GPC6: variants seen among roughly 807,000 people sequenced by gnomAD.
GPC6 encodes glypican-6.
GPC6 carries 14 observed loss-of-function variants against 55.2 expected under a neutral mutation model. The ratio of observed to expected loss-of-function variants is 0.25; its 90% CI spans 0.17 to 0.40. GPC6 has a LOEUF of 0.40. Among genes scored for constraint, GPC6 ranks in the 10% least tolerant of loss-of-function variants. The pLI, the probability that GPC6 is intolerant of heterozygous loss-of-function variation, is 1.00. For missense variants in GPC6, 641 were observed against 708.5 expected, an observed-to-expected ratio of 0.90 and a Z score of 1.08; for synonymous variants, 278 against 259.6, an observed-to-expected ratio of 1.07 and a Z score of -0.68.
intron 4 of GPC6, among the ~76,000 whole-genome samples, chr13:94,135,400 A>C (rs1397523365): frequency 2.0e-5 from 3 of 152,194 alleles, no homozygotes; most frequent in African/African-American, 7.2e-5. Flanking sequence ...CCTTTTGGCT[A>C]AAGTGACTTT....
At chr13:93,468,868 A>T (rs1879008858) in intron 1 of GPC6, among the ~76,000 whole-genome samples, 1 of 152,220 alleles carries the variant, frequency 6.6e-6, no homozygotes, top group South Asian at 2.1e-4. Context: ...TGTAACATTT[A>T]ACTACCTCAA....
At chr13:93,225,141 G>A (rs1276604987), upstream of GPC6, among the ~76,000 whole-genome samples, 2 of 152,220 alleles carry the variant, frequency 1.3e-5, no homozygotes, top group Middle Eastern at 3.4e-3. Context: ...AAATTACAAT[G>A]AGTCCCAGGA....
intron 6 of GPC6, among the ~76,000 whole-genome samples, chr13:94,322,418 G>A (rs1385339864): frequency 1.3e-5 from 2 of 152,154 alleles, no homozygotes; most frequent in Non-Finnish European, 2.9e-5. Flanking sequence ...AGAGGTACCA[G>A]GACTAGACAA....
intron 4 of GPC6, among the ~76,000 whole-genome samples, chr13:94,279,984 G>C (rs1204766843): frequency 1.3e-5 from 2 of 152,134 alleles, no homozygotes; most frequent in Non-Finnish European, 2.9e-5. Flanking sequence ...CTGAGTTCAA[G>C]TCCTGAATAT....
At chr13:93,578,995 T>C (rs1057309991) in intron 2 of GPC6, among the ~76,000 whole-genome samples, 4 of 152,094 alleles carry the variant, frequency 2.6e-5, no homozygotes, top group Non-Finnish European at 4.4e-5. Flanking sequence ...AGTGAATAAG[T>C]CAAACACAGA....
At chr13:93,602,075 C>T (rs766352635) in intron 2 of GPC6, among the ~76,000 whole-genome samples, 7 of 152,150 alleles carry the variant, frequency 4.6e-5, no homozygotes, top group Non-Finnish European at 7.3e-5. Context: ...AATGTATCCT[C>T]ATTTAAAAAA....
At position 93,227,627 on chromosome 13, in the gene GPC6, G is replaced by A. The variant is rs561808356; in HGVS notation, c.160+11G>A. The A allele has an allele frequency of 3.7e-5, 59 of 1,592,856 alleles. 1 individual carries two copies. In the South Asian group the frequency reaches 5.8e-4, roughly 16 times the overall value. ...ACCAGGAGATCGCAGGTAAGCGCGG[G>A]CGCGCTGCAGGGGCAGGCTGCAGCC... On this transcript the variant is annotated intron_variant, in intron 1 of 8. Coordinates refer to ENST00000377047, the MANE Select transcript of GPC6 (RefSeq NM_005708.5). The surrounding 1 kb of genome is among the most constrained non-coding windows in gnomAD (Gnocchi z 4.3).
At chr13:93,829,162 C>G (rs183644884) in intron 2 of GPC6, among the ~76,000 whole-genome samples, 28 of 151,492 alleles carry the variant, frequency 1.8e-4, no homozygotes, top group African/African-American at 5.6e-4. Context: ...TTGATAACCT[C>G]AGAAGCATTA....
At chr13:93,274,189 A>G (rs1215528544) in intron 1 of GPC6, among the ~76,000 whole-genome samples, 1 of 152,226 alleles carries the variant, frequency 6.6e-6, no homozygotes, top group Non-Finnish European at 1.5e-5. Flanking sequence ...GCAGTCACCT[A>G]CAGATGTATT....
At chr13:93,745,189 C>G (rs1263401119) in intron 2 of GPC6, among the ~76,000 whole-genome samples, 3 of 152,068 alleles carry the variant, frequency 2.0e-5, no homozygotes, top group African/African-American at 7.2e-5. Context: ...CATTGCTTAC[C>G]TGACTTCCTT....
At chr13:94,096,423 C>T (rs1885660316) in intron 4 of GPC6, among the ~76,000 whole-genome samples, 1 of 151,954 alleles carries the variant, frequency 6.6e-6, no homozygotes, top group Non-Finnish European at 1.5e-5. Flanking sequence ...TGAATCCTGC[C>T]CTTAGCCGGG....
At chr13:94,375,731 C>G (rs1879817994) in intron 6 of GPC6, among the ~76,000 whole-genome samples, 2 of 127,014 alleles carry the variant, frequency 1.6e-5, no homozygotes, top group African/African-American at 6.0e-5. Flanking sequence ...CAAAGCCAGG[C>G]AGAGACACAA....
chr13:93,922,380 G>T (rs1877618968), intron 3 of GPC6, among the ~76,000 whole-genome samples: 1 of 152,096 alleles, frequency 6.6e-6, no homozygotes, highest in South Asian at 2.1e-4. Context: ...TGTTGAATTT[G>T]GTACTTGAGG....
intron 3 of GPC6, among the ~76,000 whole-genome samples, chr13:93,973,043 C>A (rs532199189): frequency 5.9e-5 from 9 of 152,126 alleles, no homozygotes; most frequent in Admixed American, 5.2e-4. Flanking sequence ...GAGTCCACTG[C>A]ACTACAGGTG....
At chr13:93,913,740 G>A (rs1877134116) in intron 3 of GPC6, among the ~76,000 whole-genome samples, 1 of 152,086 alleles carries the variant, frequency 6.6e-6, no homozygotes, top group Non-Finnish European at 1.5e-5. Flanking sequence ...CACTGGTAAA[G>A]GAGCGTGATG....
chr13:94,370,938 C>T (rs915540502), intron 6 of GPC6, among the ~76,000 whole-genome samples: 2 of 152,084 alleles, frequency 1.3e-5, no homozygotes, highest in African/African-American at 4.8e-5. Flanking sequence ...GAATATGATG[C>T]CTGCCATTAT....
At chr13:93,666,900 A>T (rs1881160884) in intron 2 of GPC6, among the ~76,000 whole-genome samples, 1 of 152,170 alleles carries the variant, frequency 6.6e-6, no homozygotes, top group East Asian at 1.9e-4. Context: ...ATCGGACTTA[A>T]ATTATTCATA....
intron 3 of GPC6, among the ~76,000 whole-genome samples, chr13:94,015,546 A>AT (rs961600839): frequency 5.3e-5 from 8 of 151,924 alleles, no homozygotes; most frequent in Non-Finnish European, 1.2e-4. Flanking sequence ...AGTCCTATTT[A>AT]TTTTTTCTTT....
intron 4 of GPC6, among the ~76,000 whole-genome samples, chr13:94,261,583 A>G (rs891653285): frequency 6.6e-6 from 1 of 152,230 alleles, no homozygotes; most frequent in Non-Finnish European, 1.5e-5. Context: ...CAGAGGGTAT[A>G]TACAGAGGGC....
Sources: gnomAD v4.1 joint callset for allele counts (sites outside exome capture counted in the v4.1 genomes callset) on GRCh38, gnomAD v4.1.1 for gene constraint, Gnocchi (gnomAD v3.1) non-coding constraint, MANE v1.5 for transcripts, NCBI Gene and HGNC (gene_info 2026-07-23, HGNC 2026-07-21) for gene names.